PCDHA3: variants seen among roughly 807,000 people sequenced by gnomAD.
PCDHA3 encodes the protein protocadherin alpha-3.
In PCDHA3, 41 loss-of-function variants were observed where a neutral mutation model predicts 62.2. The ratio of observed to expected loss-of-function variants is 0.66; its 90% confidence interval spans 0.51 to 0.86. PCDHA3 has a LOEUF of 0.86. PCDHA3 is among the 40% of genes least tolerant of loss of function. The pLI is 0.00. For missense variants in PCDHA3, 1,304 were observed against 1,241.2 expected, an observed-to-expected ratio of 1.05 and a Z score of -0.76; for synonymous variants, 640 against 555.4, an observed-to-expected ratio of 1.15 and a Z score of -2.14.
intron 1 of PCDHA3, chr5:140,821,762 G>C: frequency 6.3e-7 from 1 of 1,588,934 alleles, no homozygotes; most frequent in Non-Finnish European, 8.6e-7. Flanking sequence ...GCTCATAATT[G>C]GAACGAGATT....
chr5:140,869,919 A>G (rs1554163602), intron 1 of PCDHA3: 3 of 1,611,440 alleles, frequency 1.9e-6, no homozygotes. Flanking sequence ...GAGACGAAGG[A>G]GTCAATGGAG....
chr5:140,954,920 G>A (rs1295412224), intron 1 of PCDHA3, among the ~76,000 whole-genome samples: 2 of 152,076 alleles, frequency 1.3e-5, no homozygotes, highest in East Asian at 3.9e-4. Context: ...TATGAATTAC[G>A]TCTTTAATTA....
chr5:140,924,752 G>A (rs970314481), intron 1 of PCDHA3, among the ~76,000 whole-genome samples: 5 of 151,648 alleles, frequency 3.3e-5, no homozygotes, highest in South Asian at 2.1e-4. Context: ...AAAATTAACC[G>A]AGCATGGTGG....
intron 1 of PCDHA3, chr5:140,857,829 G>A: frequency 1.9e-6 from 3 of 1,597,788 alleles, no homozygotes; most frequent in Non-Finnish European, 2.6e-6. Context: ...GCTAAGGTGC[G>A]CGCAGTGGAC....
At chr5:140,848,832 C>A in intron 1 of PCDHA3, 1 of 1,590,228 alleles carries the variant, frequency 6.3e-7, no homozygotes. Flanking sequence ...CGTAGACAGG[C>A]CGCTGCAGGT....
intron 3 of PCDHA3, among the ~76,000 whole-genome samples, chr5:140,991,069 G>T (rs1156985445): frequency 6.6e-6 from 1 of 152,136 alleles, no homozygotes; most frequent in Non-Finnish European, 1.5e-5. Flanking sequence ...TTATTCCCAT[G>T]TTTCAGATAA....
At chr5:140,961,387 C>T (rs1249667395) in intron 1 of PCDHA3, among the ~76,000 whole-genome samples, 1 of 152,148 alleles carries the variant, frequency 6.6e-6, no homozygotes, top group Admixed American at 6.5e-5. Flanking sequence ...TTGAACTATT[C>T]CATTAGTAAA....
At chr5:140,805,534 A>T in intron 1 of PCDHA3, 1 of 986,250 alleles carries the variant, frequency 1.0e-6, no homozygotes, top group Non-Finnish European at 1.2e-6. Context: ...AACAGGATGA[A>T]AATAACTTTA....
intron 1 of PCDHA3, chr5:140,807,363 T>C (rs1554123903): frequency 1.2e-6 from 2 of 1,609,620 alleles, no homozygotes; most frequent in East Asian, 2.2e-5. Context: ...CTGGCGGAGC[T>C]GGTGCCGCGC....
chr5:140,807,058 G>T, intron 1 of PCDHA3: 1 of 1,098,788 alleles, frequency 9.1e-7, no homozygotes, highest in Non-Finnish European at 1.3e-6. Flanking sequence ...TATTCTTACT[G>T]GAAGGAACCA....
intron 1 of PCDHA3, chr5:140,969,446 C>A (rs782526198): frequency 6.5e-7 from 1 of 1,541,082 alleles, no homozygotes; most frequent in African/African-American, 1.4e-5. Flanking sequence ...ATCTGGTAAA[C>A]TGAGTATATA....
rs2150409863 is a variant in PCDHA3 at position 140,848,399 on chromosome 5, C to A, written c.2394+44808C>A. 68 of 1,293,766 alleles carry A rather than the reference C, an allele frequency of 5.3e-5. 5 individuals are homozygous for A. In the Admixed American group the frequency reaches 5.7e-4, roughly 11 times the overall value. The allele number at this position is 1,293,766 out of a possible 1,614,324, so 80.1% of individuals were successfully genotyped here. A position where few individuals can be genotyped will look rare whatever the true frequency, so the allele number is the denominator to read the frequency against. The stretch of plus-strand genomic sequence containing the variant: ...TCTTTTTCACTCTCTCTGTGCTGAA[C>A]GATGGCGAACACAGCAGAATGGGAC... On this transcript the variant is annotated intron_variant, in intron 1 of 3. Coordinates refer to ENST00000522353, the MANE Select transcript of PCDHA3 (RefSeq NM_018906.3).
chr5:140,805,421 G>A (rs1175718438), intron 1 of PCDHA3: 8 of 1,062,146 alleles, frequency 7.5e-6, no homozygotes, highest in Non-Finnish European at 9.1e-6. Flanking sequence ...TGGGTTTTTT[G>A]TTGTTGTTTT....
rs2150126052 is a variant in PCDHA3, at chr5:140,823,464, G to T, written c.2394+19873G>T. 5.6e-6 allele frequency: 9 copies of T among 1,613,420 alleles called. No homozygotes were observed. In the East Asian group the frequency reaches 1.3e-4, roughly 24 times the overall value. On this transcript the variant is annotated intron_variant, in intron 1 of 3. Coordinates refer to ENST00000522353, the MANE Select transcript of PCDHA3 (RefSeq NM_018906.3). ...TGGACGAGAACGACAACGCGCCGGCGCTGCTGGTGCCTCGAGTGGGTGGCA... is the reference window on the plus strand; with the variant it reads ...TGGACGAGAACGACAACGCGCCGGCTCTGCTGGTGCCTCGAGTGGGTGGCA...
In PCDHA3 at chr5:141,006,011, G is replaced by A. The variant is rs146101776; in HGVS notation, c.2543-3616G>A. Among the ~76,000 whole-genome samples the A allele has an allele frequency of 2.7e-3, 408 of 151,544 alleles. 2 individuals carry two copies. Among genetic ancestry groups the A allele is most frequent in the African/African-American group, 8.8e-3 (365 of 41,422 alleles). Reference sequence around the variant, plus strand: ...GAGGATCTGAAAGAAGGCCTGTATGGTTGGAGTATAATAGTAAGAGGGAGA... The same window carrying A: ...GAGGATCTGAAAGAAGGCCTGTATGATTGGAGTATAATAGTAAGAGGGAGA... On this transcript the variant is annotated intron_variant, in intron 3 of 3. Coordinates refer to ENST00000522353, the MANE Select transcript of PCDHA3 (RefSeq NM_018906.3).
intron 1 of PCDHA3, among the ~76,000 whole-genome samples, chr5:140,881,841 C>T (rs1386401088): frequency 6.6e-6 from 1 of 152,182 alleles, no homozygotes; most frequent in East Asian, 1.9e-4. Context: ...GCATGGAATT[C>T]TTACACATGG....
chr5:140,960,875 A>G (rs2095577090), intron 1 of PCDHA3, among the ~76,000 whole-genome samples: 1 of 152,220 alleles, frequency 6.6e-6, no homozygotes, highest in African/African-American at 2.4e-5. Context: ...TAGCTGAAAT[A>G]CACACTAATG....
chr5:140,865,215 T>C (rs2048774441), intron 1 of PCDHA3: 1 of 152,214 alleles, frequency 6.6e-6, no homozygotes, highest in Admixed American at 6.5e-5. Flanking sequence ...TTGCTTTCTT[T>C]AAAGGGATCC....
intron 1 of PCDHA3, chr5:140,824,262 T>G: frequency 7.6e-7 from 1 of 1,308,960 alleles, no homozygotes; most frequent in Non-Finnish European, 1.1e-6. Context: ...ATTGCACTAA[T>G]TCATGTATTA....
Sources: gnomAD v4.1 joint callset for allele counts (sites outside exome capture counted in the v4.1 genomes callset) on GRCh38, gnomAD v4.1.1 for gene constraint, MANE v1.5 for transcripts, NCBI Gene and HGNC (gene_info 2026-07-23, HGNC 2026-07-21) for gene names.